DGLUCY: variants seen among roughly 807,000 people sequenced by gnomAD.
The protein encoded by DGLUCY is D-glutamate cyclase.
Under a neutral mutation model 58.5 loss-of-function variants are expected in DGLUCY, and 58 were observed. That is an observed-to-expected ratio of 0.99 (90% CI 0.80 to 1.23). The LOEUF is 1.23. DGLUCY is among the 50% of genes most tolerant of loss of function. The pLI, the probability that DGLUCY is intolerant of heterozygous loss-of-function variation, is 0.00. For missense variants in DGLUCY, 779 were observed against 784.7 expected, an observed-to-expected ratio of 0.99 and a Z score of 0.09; for synonymous variants, 325 against 314.1, an observed-to-expected ratio of 1.03 and a Z score of -0.37.
intron 7 of DGLUCY, among the ~76,000 whole-genome samples, chr14:91,177,682 G>A (rs2048938012): frequency 6.6e-6 from 1 of 152,234 alleles, no homozygotes; most frequent in African/African-American, 2.4e-5. Context: ...ATACTGTAGT[G>A]TTACTTTAAT....
intron 7 of DGLUCY, among the ~76,000 whole-genome samples, chr14:91,177,459 G>A (rs1400723075): frequency 6.6e-6 from 1 of 152,150 alleles, no homozygotes; most frequent in Non-Finnish European, 1.5e-5. Context: ...ATTTCCTGTG[G>A]TATTTGCAAG....
At chr14:91,093,169 A>G (rs1280759851) in intron 1 of DGLUCY, among the ~76,000 whole-genome samples, 1 of 152,160 alleles carries the variant, frequency 6.6e-6, no homozygotes, top group East Asian at 1.9e-4. Flanking sequence ...TATGATCATA[A>G]TGATTGCATA....
chr14:91,157,561 G>A (rs1057354471), intron 1 of DGLUCY, 78 bp from the exon 2 acceptor site: 2 of 152,280 alleles, frequency 1.3e-5, no homozygotes, highest in Admixed American at 1.3e-4. Context: ...CATATATGGT[G>A]GTAGTTGCTA....
At chr14:91,152,516 A>G (rs895547065) in intron 1 of DGLUCY, among the ~76,000 whole-genome samples, 3 of 152,204 alleles carry the variant, frequency 2.0e-5, no homozygotes, top group Non-Finnish European at 2.9e-5. Context: ...CATTTCCCCA[A>G]TCTTGTCTCT....
intron 13 of DGLUCY, among the ~76,000 whole-genome samples, chr14:91,218,472 A>G (rs1477294272): frequency 1.3e-5 from 2 of 150,724 alleles, no homozygotes; most frequent in Admixed American, 6.6e-5. Context: ...GAGAAATCTC[A>G]GCTCACTGCA....
chr14:91,086,134 A>C (rs1261877852), intron 1 of DGLUCY, among the ~76,000 whole-genome samples: 2 of 152,176 alleles, frequency 1.3e-5, no homozygotes, highest in Non-Finnish European at 2.9e-5. Context: ...CTAATGCCTG[A>C]TGATCTGTCA....
chr14:91,087,278 C>A (rs1013536160), intron 1 of DGLUCY, among the ~76,000 whole-genome samples: 12 of 152,184 alleles, frequency 7.9e-5, no homozygotes, highest in African/African-American at 2.9e-4. Flanking sequence ...TATTGATCAC[C>A]TATTGCATGC....
At chr14:91,178,624 G>A (rs145080311) in intron 7 of DGLUCY, among the ~76,000 whole-genome samples, 7 of 152,256 alleles carry the variant, frequency 4.6e-5, no homozygotes, top group East Asian at 3.9e-4. Flanking sequence ...ACAGACAAGC[G>A]ATAATTAAAT....
At chr14:91,069,644 T>G (rs1274522572) in intron 1 of DGLUCY, among the ~76,000 whole-genome samples, 1 of 151,898 alleles carries the variant, frequency 6.6e-6, no homozygotes, top group Non-Finnish European at 1.5e-5. Flanking sequence ...TACTTTTCCT[T>G]CTTTTTTTTT....
At chr14:91,081,557 T>A (rs2044127890) in intron 1 of DGLUCY, among the ~76,000 whole-genome samples, 1 of 152,036 alleles carries the variant, frequency 6.6e-6, no homozygotes, top group Non-Finnish European at 1.5e-5. Flanking sequence ...CCAAAATGGG[T>A]CTTATGGGCT....
intron 12 of DGLUCY, 92 bp downstream of exon 12, chr14:91,204,917 G>T: frequency 1.3e-6 from 2 of 1,562,416 alleles, no homozygotes; most frequent in Non-Finnish European, 1.7e-6. Flanking sequence ...CTTCTTCTCT[G>T]CAGTCAGTCC....
At chr14:91,115,636 C>T (rs1235186017) in intron 1 of DGLUCY, among the ~76,000 whole-genome samples, 1 of 152,164 alleles carries the variant, frequency 6.6e-6, no homozygotes, top group Non-Finnish European at 1.5e-5. Context: ...GTTAGCCAGG[C>T]TGAGCTCAAG....
chr14:91,221,954 T>C (rs1887583103), intron 13 of DGLUCY, among the ~76,000 whole-genome samples: 1 of 152,000 alleles, frequency 6.6e-6, no homozygotes, highest in Admixed American at 6.6e-5. Context: ...TGTGACTTAA[T>C]AGCAAGCACC....
At chr14:91,074,335 C>CGAGT in intron 1 of DGLUCY, among the ~76,000 whole-genome samples, 1 of 145,368 alleles carries the variant, frequency 6.9e-6, no homozygotes, top group South Asian at 2.2e-4. Context: ...ATATATAAAC[C>CGAGT]GAGTGTGATG....
chr14:91,075,675 T>C (rs1301894735), intron 1 of DGLUCY, among the ~76,000 whole-genome samples: 1 of 152,214 alleles, frequency 6.6e-6, no homozygotes, highest in Non-Finnish European at 1.5e-5. Context: ...TCCTTCCTCT[T>C]GACCAAATGC....
chr14:91,090,141 T>C (rs1314560394), intron 1 of DGLUCY, among the ~76,000 whole-genome samples: 1 of 152,190 alleles, frequency 6.6e-6, no homozygotes, highest in Non-Finnish European at 1.5e-5. Flanking sequence ...CTCTCCTCAC[T>C]GGCTGAGCAC....
intron 1 of DGLUCY, among the ~76,000 whole-genome samples, chr14:91,126,200 C>A (rs534936447): frequency 3.3e-5 from 5 of 152,148 alleles, no homozygotes; most frequent in African/African-American, 4.8e-5. Flanking sequence ...TCTCACAGCT[C>A]TGGGGGGTAG....
upstream of DGLUCY, among the ~76,000 whole-genome samples, chr14:91,107,286 A>G (rs1353219092): frequency 6.6e-6 from 1 of 152,070 alleles, no homozygotes; most frequent in African/African-American, 2.4e-5. Flanking sequence ...TGGCAAGCTG[A>G]GGCGGGTGGA....
intron 1 of DGLUCY, among the ~76,000 whole-genome samples, chr14:91,138,319 C>T (rs1457074834): frequency 1.3e-5 from 2 of 152,064 alleles, no homozygotes; most frequent in African/African-American, 4.8e-5. Context: ...TGGAGAAACC[C>T]CATCTCTACT....
Sources: allele counts gnomAD v4.1 joint callset (sites outside exome capture counted in the v4.1 genomes callset), GRCh38; gene constraint gnomAD v4.1.1; transcripts MANE v1.5; gene names NCBI Gene and HGNC (gene_info 2026-07-23, HGNC 2026-07-21).